The following CORO2B variants were observed in gnomAD, a reference collection of about 807,000 sequenced individuals.
The protein encoded by CORO2B is coronin-2B.
CORO2B carries 26 observed loss-of-function variants against 58.8 expected under a neutral mutation model. That is an observed-to-expected ratio of 0.44 (90% CI 0.32 to 0.61). The LOEUF (loss-of-function observed/expected upper bound fraction) is 0.61, where lower values mean the gene tolerates loss of function less well. Ranked by LOEUF, CORO2B falls within the 20% of genes least tolerant of loss-of-function variation. The pLI is 0.04. For missense variants in CORO2B, 460 were observed against 645.1 expected (o/e 0.71, Z 3.11); for synonymous variants, 242 against 253.8 (o/e 0.95, Z 0.44).
At position 68,719,350 on chromosome 15, in the gene CORO2B, G is replaced by T; in HGVS notation, c.1172-63G>T. 6.2e-6 allele frequency: 10 copies of T among 1,604,036 alleles called. No individual in the cohort carries two copies. The South Asian group carries it at 1.0e-4, about 16-fold the overall frequency. On this transcript the variant is annotated intron_variant, in intron 10 of 11. Transcript: ENST00000261861. ...TTTGAACTTCCCTCCCACCCAGCCT[G>T]CTGGACCATCACCTGACAGTCCATG...
At chr15:68,720,389 G>C (rs1451048705) in intron 11 of CORO2B, among the ~76,000 whole-genome samples, 1 of 152,210 alleles carries the variant, frequency 6.6e-6, no homozygotes, top group Non-Finnish European at 1.5e-5. Flanking sequence ...GCTACCTACT[G>C]CTGTGTAACA....
chr15:68,719,889 G>A (rs959583034), intron 11 of CORO2B, among the ~76,000 whole-genome samples: 4 of 152,220 alleles, frequency 2.6e-5, no homozygotes, highest in African/African-American at 7.2e-5. Context: ...CCGGCCTCGT[G>A]TATCACAGCC....
chr15:68,651,093 G>C (rs1901625538), intron 2 of CORO2B, among the ~76,000 whole-genome samples: 1 of 152,196 alleles, frequency 6.6e-6, no homozygotes, highest in African/African-American at 2.4e-5. Context: ...TACTGACTCC[G>C]TGGGAGGGTG....
At chr15:68,690,224 C>T (rs1169380907) in intron 2 of CORO2B, among the ~76,000 whole-genome samples, 5 of 152,136 alleles carry the variant, frequency 3.3e-5, no homozygotes, top group African/African-American at 7.2e-5. Context: ...AATTGGCAAA[C>T]GCTATGAATC....
chr15:68,676,686 G>A (rs920604537), intron 2 of CORO2B, among the ~76,000 whole-genome samples: 1 of 152,228 alleles, frequency 6.6e-6, no homozygotes, highest in African/African-American at 2.4e-5. Context: ...CACCTGAGGA[G>A]AGTGTTTAAA....
At chr15:68,543,174 C>T in the CORO2B span, among the ~76,000 whole-genome samples, 1 of 152,198 alleles carries the variant, frequency 6.6e-6, no homozygotes, top group Admixed American at 6.5e-5. Context: ...GTGACCCTGG[C>T]CTTCGAGACA....
Position 68,673,718 on chromosome 15 carries a change from T to A in CORO2B, c.217-21422T>A, listed in dbSNP as rs778507319. 1.5e-4 allele frequency among the ~76,000 whole-genome samples: 22 copies of A among 149,646 alleles called. 1 individual carries two copies. Among genetic ancestry groups the A allele is most frequent in the Non-Finnish European group, 3.2e-4 (22 of 67,738 alleles). ...CAGGCGTGGTGGCATGCGCCTGTAA[T>A]CCCAGCTACTCAGGAGGCTGAGGCA... is the stretch of plus-strand genomic sequence containing the variant. On this transcript the variant is annotated intron_variant, in intron 2 of 11. Coordinates refer to ENST00000261861, the MANE Select transcript of CORO2B (RefSeq NM_006091.5).
the CORO2B span, among the ~76,000 whole-genome samples, chr15:68,534,587 A>G: frequency 1.1e-3 from 174 of 152,302 alleles, no homozygotes; most frequent in African/African-American, 3.6e-3. Flanking sequence ...TTTACTGCCA[A>G]TTAAAGACTG....
At chr15:68,606,020 G>A (rs932953990) in intron 1 of CORO2B, among the ~76,000 whole-genome samples, 4 of 151,836 alleles carry the variant, frequency 2.6e-5, no homozygotes, top group Non-Finnish European at 5.9e-5. Context: ...CACAGCGCCC[G>A]GCCGGCTCTT....
At chr15:68,583,847 C>A (rs1035740659) in intron 1 of CORO2B, among the ~76,000 whole-genome samples, 3 of 152,192 alleles carry the variant, frequency 2.0e-5, no homozygotes, top group Admixed American at 2.0e-4. Flanking sequence ...GCGGGGGTAC[C>A]AGCACAGACC....
intron 1 of CORO2B, among the ~76,000 whole-genome samples, chr15:68,595,613 A>C (rs999660775): frequency 6.6e-6 from 1 of 152,114 alleles, no homozygotes; most frequent in Admixed American, 6.5e-5. Flanking sequence ...CCTGTTTCCC[A>C]TGGTGGACTT....
chr15:68,602,411 A>T (rs1294508176), intron 1 of CORO2B, among the ~76,000 whole-genome samples: 3 of 135,940 alleles, frequency 2.2e-5, no homozygotes, highest in African/African-American at 6.5e-5. Flanking sequence ...GGCTGATCAC[A>T]CACACACACA....
intron 1 of CORO2B, among the ~76,000 whole-genome samples, chr15:68,633,153 G>A (rs561463289): frequency 5.3e-5 from 8 of 152,258 alleles, no homozygotes; most frequent in Non-Finnish European, 1.0e-4. Context: ...ATGGAGCAGA[G>A]CTGTGTGCTG....
chr15:68,547,358 T>C, the CORO2B span, among the ~76,000 whole-genome samples: 23,021 of 152,232 alleles, frequency 0.15, 2,102 homozygotes, highest in Middle Eastern at 0.25. Context: ...TAATCATAAA[T>C]AGAGCAAGAA....
chr15:68,725,148 C>G (rs1323886850), intron 11 of CORO2B, among the ~76,000 whole-genome samples: 1 of 152,132 alleles, frequency 6.6e-6, no homozygotes, highest in Non-Finnish European at 1.5e-5. Flanking sequence ...GTGGGTGGAT[C>G]TCTTGAGGTC....
chr15:68,654,280 G>T (rs73425136), intron 2 of CORO2B, among the ~76,000 whole-genome samples: 2 of 152,248 alleles, frequency 1.3e-5, no homozygotes, highest in Non-Finnish European at 2.9e-5. Flanking sequence ...TTGGAGTCCA[G>T]GGGGCCAGAG....
the CORO2B span, among the ~76,000 whole-genome samples, chr15:68,541,781 T>G: frequency 6.6e-6 from 1 of 152,198 alleles, no homozygotes; most frequent in South Asian, 2.1e-4. Context: ...TGGGGCTTCC[T>G]CACACGCAGG....
chr15:68,522,746 C>T, the CORO2B span, among the ~76,000 whole-genome samples: 2 of 152,200 alleles, frequency 1.3e-5, no homozygotes, highest in African/African-American at 2.4e-5. Context: ...CAAAATTCTT[C>T]ATCTTGTTAT....
chr15:68,681,873 C>A (rs914847507), intron 2 of CORO2B, among the ~76,000 whole-genome samples: 3 of 152,180 alleles, frequency 2.0e-5, no homozygotes, highest in Admixed American at 1.3e-4. Context: ...CAACAGAAAT[C>A]ACCCCCAACC....
Sources: gnomAD v4.1 joint callset for allele counts (sites outside exome capture counted in the v4.1 genomes callset) on GRCh38, gnomAD v4.1.1 for gene constraint, MANE v1.5 for transcripts, NCBI Gene and HGNC (gene_info 2026-07-23, HGNC 2026-07-21) for gene names.